The following ACYP2 variants were observed in gnomAD, a reference collection of about 807,000 sequenced individuals.
ACYP2 encodes the protein acylphosphatase-2.
Under a neutral mutation model 11.2 loss-of-function variants are expected in ACYP2, and 12 were observed. That is an observed-to-expected ratio of 1.08 (90% CI 0.69 to 1.74). ACYP2 has a LOEUF of 1.74. Among genes scored for constraint, ACYP2 ranks in the 40% most tolerant of loss-of-function variants. The probability of loss-of-function intolerance (pLI) is 0.00; values close to 1 mark genes in which losing one functional copy is unlikely to be tolerated. For missense variants in ACYP2, 134 were observed against 101.9 expected (o/e 1.31, Z -1.35); for synonymous variants, 43 against 32.2 (o/e 1.33, Z -1.13).
At position 54,057,258 on chromosome 2, in the gene ACYP2, T is replaced by G; in HGVS notation, c.175T>G (p.Ser59Ala). The change falls in exon 4 of 7, where the codon TCA becomes GCA. Residue 59 changes from serine (S) to alanine (A), a missense_variant. Ser to Ala is a moderately conservative substitution (Grantham distance 99, BLOSUM62 1). Coordinates refer to ENST00000607452, the MANE Select transcript of ACYP2 (RefSeq NM_001320586.2). ...TTCCAGCTATAAATTCATACAATTA[T>G]CAGAGTTTGGTTTTGGTCAAGTCAT... 5.0e-6 allele frequency: 2 copies of G among 398,038 alleles called. No individual in the cohort carries two copies. Among genetic ancestry groups the G allele is most frequent in the South Asian group, 1.3e-4 (1 of 7,850 alleles). 24.7% of individuals were successfully genotyped at this position (398,038 alleles called of 1,614,324 possible).
chr2:54,295,847 G>C (rs546060144), intron 6 of ACYP2, among the ~76,000 whole-genome samples: 1 of 151,826 alleles, frequency 6.6e-6, no homozygotes. Flanking sequence ...TGCAACCTCC[G>C]CCTCCCGGGT....
intron 6 of ACYP2, among the ~76,000 whole-genome samples, chr2:54,170,700 G>A (rs1027896356): frequency 2.6e-5 from 4 of 152,008 alleles, no homozygotes; most frequent in Non-Finnish European, 4.4e-5. Context: ...ATATGACTTC[G>A]TAAAGAACAG....
intron 4 of ACYP2, among the ~76,000 whole-genome samples, chr2:54,077,440 A>G (rs1039472508): frequency 1.3e-5 from 2 of 152,222 alleles, no homozygotes; most frequent in Admixed American, 6.5e-5. Flanking sequence ...CAATAAATTA[A>G]TCTAAATGCT....
chr2:54,058,030 C>T (rs1676249403), intron 4 of ACYP2, among the ~76,000 whole-genome samples: 1 of 151,898 alleles, frequency 6.6e-6, no homozygotes, highest in African/African-American at 2.4e-5. Context: ...AATATTTTTC[C>T]CTTTGTGAAT....
intron 6 of ACYP2, among the ~76,000 whole-genome samples, chr2:54,250,992 C>T (rs1363426128): frequency 6.6e-6 from 1 of 152,156 alleles, no homozygotes; most frequent in African/African-American, 2.4e-5. Flanking sequence ...ATGGTGACGC[C>T]AGTCTTCAGA....
chr2:54,123,747 T>C (rs920328836), intron 4 of ACYP2, among the ~76,000 whole-genome samples: 16 of 152,084 alleles, frequency 1.1e-4, no homozygotes, highest in Admixed American at 6.6e-4. Context: ...CCAATCATAA[T>C]ATTCATACCA....
At chr2:54,255,202 G>C (rs1211081526) in intron 6 of ACYP2, 1 of 1,614,084 alleles carries the variant, frequency 6.2e-7, no homozygotes, top group Non-Finnish European at 8.5e-7. Flanking sequence ...TTGGCCGAAG[G>C]ATCTGACCTC....
At chr2:54,009,120 T>A (rs376704704) in intron 2 of ACYP2, among the ~76,000 whole-genome samples, 44 of 149,782 alleles carry the variant, frequency 2.9e-4, no homozygotes, top group Admixed American at 1.4e-3. Flanking sequence ...GCCACTGCAC[T>A]CCAGTCTGGG....
chr2:54,286,154 A>T (rs546835775), intron 6 of ACYP2, among the ~76,000 whole-genome samples: 7 of 152,200 alleles, frequency 4.6e-5, no homozygotes, highest in Admixed American at 3.9e-4. Context: ...GGCCTTTGGG[A>T]GGCCAAGATG....
intron 6 of ACYP2, among the ~76,000 whole-genome samples, chr2:54,162,937 G>A (rs1682787942): frequency 6.6e-6 from 1 of 152,172 alleles, no homozygotes; most frequent in East Asian, 1.9e-4. Context: ...GCGGTGAATC[G>A]TGATCACCGC....
intron 6 of ACYP2, chr2:54,255,116 C>G (rs756102539): frequency 3.1e-6 from 5 of 1,614,150 alleles, no homozygotes. Flanking sequence ...CTGCAGATGA[C>G]ATGTCGGTTC....
intron 6 of ACYP2, chr2:54,256,258 C>A: frequency 8.2e-6 from 11 of 1,333,588 alleles, no homozygotes; most frequent in Non-Finnish European, 1.1e-5. Flanking sequence ...TTTGCGCCGC[C>A]CACTCTTCAG....
intron 6 of ACYP2, among the ~76,000 whole-genome samples, chr2:54,158,521 T>C (rs1215641585): frequency 6.6e-6 from 1 of 152,044 alleles, no homozygotes; most frequent in East Asian, 1.9e-4. Flanking sequence ...TGCTTTTGAT[T>C]ATCACCATGC....
intron 2 of ACYP2, among the ~76,000 whole-genome samples, chr2:54,047,422 C>T (rs2104568025): frequency 6.6e-6 from 1 of 152,306 alleles, no homozygotes; most frequent in Non-Finnish European, 1.5e-5. Flanking sequence ...GAAAATACTT[C>T]TGCTGCGTGG....
chr2:54,163,597 G>A (rs929841901), intron 6 of ACYP2, among the ~76,000 whole-genome samples: 29 of 152,102 alleles, frequency 1.9e-4, no homozygotes, highest in Middle Eastern at 3.2e-3. Flanking sequence ...GCTCACGCCC[G>A]TAATCCCAGC....
At chr2:54,290,214 C>CG (rs1689243262) in intron 6 of ACYP2, among the ~76,000 whole-genome samples, 3 of 152,082 alleles carry the variant, frequency 2.0e-5, no homozygotes, top group Non-Finnish European at 4.4e-5. Flanking sequence ...GAAGCTTCCC[C>CG]GGGCGAGGCC....
intron 6 of ACYP2, among the ~76,000 whole-genome samples, chr2:54,203,089 C>A (rs1039694364): frequency 9.2e-5 from 14 of 152,014 alleles, no homozygotes; most frequent in African/African-American, 3.1e-4. Context: ...TTAAGTCTTC[C>A]ACTTCATAAG....
Position 54,252,891 on chromosome 2 carries a change from G to A in ACYP2, c.405-51797G>A, listed in dbSNP as rs145538840. On this transcript the variant is annotated intron_variant, in intron 6 of 6. Transcript: ENST00000607452. ...TGCACTCCAGCCTGGGCGACTGAGC[G>A]AGACTCCGTCTCAAAAAAAAAAAAA... Among the ~76,000 whole-genome samples, 1,207 of 149,392 alleles carry A rather than the reference G, an allele frequency of 8.1e-3. 16 individuals are homozygous for A. The highest frequency in any genetic ancestry group is 0.028 in the African/African-American group (1,140 of 40,458).
intron 6 of ACYP2, among the ~76,000 whole-genome samples, chr2:54,166,719 C>T (rs1682990256): frequency 6.6e-6 from 1 of 152,144 alleles, no homozygotes; most frequent in Non-Finnish European, 1.5e-5. Flanking sequence ...GAAGATTTCT[C>T]ATAATGATGG....
Sources: allele counts gnomAD v4.1 joint callset (sites outside exome capture counted in the v4.1 genomes callset), GRCh38; gene constraint gnomAD v4.1.1; transcripts MANE v1.5; gene names NCBI Gene and HGNC (gene_info 2026-07-23, HGNC 2026-07-21).